Variants in DRC9 observed in about 807,000 individuals in gnomAD.
DRC9 encodes the protein dynein regulatory complex protein 9.
chr3:197,910,378 C>T, the DRC9 span, among the ~76,000 whole-genome samples: 1 of 152,196 alleles, frequency 6.6e-6, no homozygotes, highest in Non-Finnish European at 1.5e-5. Context: ...ACTCTGGCGT[C>T]ATCCCTTCGT....
At chr3:197,908,394 C>A in the DRC9 span, among the ~76,000 whole-genome samples, 1 of 134,958 alleles carries the variant, frequency 7.4e-6, no homozygotes. Context: ...ACCCCTTTCC[C>A]AGGCATCCTC....
At chr3:197,932,036 G>A in the DRC9 span, 2 of 890,144 alleles carry the variant, frequency 2.2e-6, no homozygotes, top group Non-Finnish European at 3.4e-6. Flanking sequence ...GAACTAGGAA[G>A]AAAACCCAAA....
the DRC9 span, among the ~76,000 whole-genome samples, chr3:197,898,590 A>G: frequency 6.6e-6 from 1 of 152,202 alleles, no homozygotes; most frequent in African/African-American, 2.4e-5. Flanking sequence ...TTTATAAAGG[A>G]AAGAGCTTTA....
the DRC9 span, among the ~76,000 whole-genome samples, chr3:197,920,372 G>A: frequency 6.6e-6 from 1 of 150,668 alleles, no homozygotes; most frequent in Non-Finnish European, 1.5e-5. Flanking sequence ...GGAAGCTTGA[G>A]GCCAGGAGTT....
At chr3:197,923,491 G>A in the DRC9 span, among the ~76,000 whole-genome samples, 1 of 152,044 alleles carries the variant, frequency 6.6e-6, no homozygotes, top group Admixed American at 6.6e-5. Context: ...CGTTATGGGG[G>A]GGCCAAGGCA....
the DRC9 span, chr3:197,925,970 A>C: frequency 3.3e-6 from 3 of 907,450 alleles, no homozygotes; most frequent in East Asian, 7.2e-5. Flanking sequence ...GCTTCCATAT[A>C]TTTAATAGCT....
At chr3:197,951,155 T>G in the DRC9 span, 6 of 1,613,982 alleles carry the variant, frequency 3.7e-6, no homozygotes, top group Non-Finnish European at 5.1e-6. Flanking sequence ...CTTTTGTGTC[T>G]TAGGCTGTGG....
the DRC9 span, chr3:197,938,823 A>T: frequency 5.1e-6 from 7 of 1,372,010 alleles, no homozygotes; most frequent in Non-Finnish European, 7.2e-6. Flanking sequence ...TTTTAAAGAG[A>T]CAATACAACA....
At chr3:197,904,087 CATAT>C in the DRC9 span, among the ~76,000 whole-genome samples, 854 of 42,236 alleles carry the variant, frequency 0.02, 28 homozygotes, top group African/African-American at 0.08. Flanking sequence ...TATATACATA[CATAT>C]ATATATATAT....
At chr3:197,943,776 A>G in the DRC9 span, 3 of 1,613,908 alleles carry the variant, frequency 1.9e-6, no homozygotes, top group Non-Finnish European at 2.5e-6. Flanking sequence ...GTGGGTCTAT[A>G]CCACGCAGAT....
the DRC9 span, among the ~76,000 whole-genome samples, chr3:197,914,565 T>C: frequency 6.6e-6 from 1 of 152,192 alleles, no homozygotes; most frequent in African/African-American, 2.4e-5. Context: ...GAGGACTCAA[T>C]AGTCATTAAG....
At chr3:197,895,503 C>A in the DRC9 span, among the ~76,000 whole-genome samples, 1 of 152,052 alleles carries the variant, frequency 6.6e-6, no homozygotes, top group East Asian at 1.9e-4. Flanking sequence ...AACTCCCAAG[C>A]GATCCACCCA....
chr3:197,927,627 A>AACAG, the DRC9 span, among the ~76,000 whole-genome samples: 1 of 152,250 alleles, frequency 6.6e-6, no homozygotes, highest in Non-Finnish European at 1.5e-5. Flanking sequence ...GATCACAAAA[A>AACAG]ATAGATAAGA....
the DRC9 span, chr3:197,950,008 T>C: frequency 4.2e-6 from 3 of 718,638 alleles, no homozygotes; most frequent in East Asian, 6.8e-5. Context: ...GTAGTACATT[T>C]TGCAGCCTAC....
chr3:197,959,941 G>T, the DRC9 span: 2 of 497,270 alleles, frequency 4.0e-6, no homozygotes, highest in Non-Finnish European at 7.2e-6. Flanking sequence ...TTTGGTAAAT[G>T]AAAGAACTGA....
chr3:197,922,735 AATAAATAAATAT>A, the DRC9 span, among the ~76,000 whole-genome samples: 1 of 151,316 alleles, frequency 6.6e-6, no homozygotes, highest in African/African-American at 2.4e-5. Context: ...TAAATAAATA[AATAAATAAATAT>A]CTTCTATTTT....
chr3:197,916,539 C>G, the DRC9 span: 6 of 152,380 alleles, frequency 3.9e-5, no homozygotes, highest in African/African-American at 1.4e-4. Context: ...ACCTCAGCCT[C>G]CCAACATGCT....
At chr3:197,912,646 C>CA in the DRC9 span, 1 of 1,563,148 alleles carries the variant, frequency 6.4e-7, no homozygotes. Context: ...AAAAAAAAGT[C>CA]AAAGCATAGA....
chr3:197,942,301 A>G, the DRC9 span, among the ~76,000 whole-genome samples: 5 of 146,654 alleles, frequency 3.4e-5, no homozygotes, highest in Admixed American at 2.1e-4. Context: ...GGAGAATGGC[A>G]TGAACCCGGG....
Sources: allele counts gnomAD v4.1 joint callset (sites outside exome capture counted in the v4.1 genomes callset), GRCh38; gene constraint gnomAD v4.1.1; transcripts MANE v1.5; gene names NCBI Gene and HGNC (gene_info 2026-07-23, HGNC 2026-07-21).